The following TRIP12 variants were observed in gnomAD, a reference collection of about 807,000 sequenced individuals.
The protein encoded by TRIP12 is E3 ubiquitin-protein ligase TRIP12.
Under a neutral mutation model 244.2 loss-of-function variants are expected in TRIP12, and 25 were observed. The ratio of observed to expected loss-of-function variants is 0.10; its 90% CI spans 0.07 to 0.14. The LOEUF is 0.14. TRIP12 is among the 10% of genes least tolerant of loss of function. The probability of loss-of-function intolerance (pLI) is 1.00; values close to 1 mark genes in which losing one functional copy is unlikely to be tolerated. For synonymous variants in TRIP12, 905 were observed against 873.1 expected (o/e 1.04, Z -0.64); for missense variants, 1,677 against 2,486.4 (o/e 0.67, Z 6.92).
At position 229,789,596 on chromosome 2, in the gene TRIP12, G is replaced by A. The variant is rs1205352860; in HGVS notation, c.4695+15C>T. 6.2e-7 allele frequency: 1 copy of A among 1,605,620 alleles called. No homozygotes were observed. The highest frequency in any genetic ancestry group is 1.7e-5 in the Admixed American group (1 of 59,156). On this transcript the variant is annotated intron_variant, in intron 31 of 41. Transcript: ENST00000675903. ...ACAGACCATGAAAACTTCATAAATA[G>A]GCAACATTACTCACATCATACAAGT...
chr2:229,906,177 C>G (rs985715970), intron 1 of TRIP12, among the ~76,000 whole-genome samples: 1 of 151,516 alleles, frequency 6.6e-6, no homozygotes, highest in Admixed American at 6.6e-5. Context: ...TAGTGGCACA[C>G]GCCTGTGATC....
chr2:229,849,312 A>G (rs1214273604), intron 4 of TRIP12, among the ~76,000 whole-genome samples: 4 of 152,232 alleles, frequency 2.6e-5, no homozygotes, highest in Non-Finnish European at 5.9e-5. Context: ...ACGATACAAT[A>G]AACCCTGCGT....
At chr2:229,772,483 A>G (rs527768347) in intron 38 of TRIP12, among the ~76,000 whole-genome samples, 2 of 152,276 alleles carry the variant, frequency 1.3e-5, no homozygotes, top group African/African-American at 4.8e-5. Context: ...ATTATTTTTG[A>G]GACAGAGTCT....
intron 34 of TRIP12, among the ~76,000 whole-genome samples, chr2:229,780,533 G>A (rs187840105): frequency 7.3e-4 from 111 of 152,124 alleles, no homozygotes; most frequent in Admixed American, 9.2e-4. Context: ...TTCTTACCAC[G>A]GCCTACATGA....
In TRIP12 at chr2:229,780,435, G is replaced by A. The variant is rs144537948; in HGVS notation, c.5095-1445C>T. On this transcript the variant is annotated intron_variant, in intron 34 of 41. Coordinates refer to ENST00000675903, the MANE Select transcript of TRIP12 (RefSeq NM_001348323.3). ...CATCTTGTATCCCATTCTCACAGGAGCAAGCGTAATCCTTACAAAACACAA... is the reference window on the plus strand; with the variant it reads ...CATCTTGTATCCCATTCTCACAGGAACAAGCGTAATCCTTACAAAACACAA... 8.5e-3 allele frequency among the ~76,000 whole-genome samples: 1,289 copies of A among 152,292 alleles called. 26 individuals are homozygous for A. The highest frequency in any genetic ancestry group is 0.03 in the African/African-American group (1,254 of 41,554).
intron 26 of TRIP12, among the ~76,000 whole-genome samples, chr2:229,794,078 G>A (rs761617531): frequency 2.0e-5 from 3 of 151,976 alleles, no homozygotes; most frequent in African/African-American, 2.4e-5. Context: ...CTCAAGCACA[G>A]GTCAAAATGC....
upstream of TRIP12, chr2:229,922,509 C>T (rs753365906): frequency 3.1e-6 from 5 of 1,613,968 alleles, no homozygotes; most frequent in Non-Finnish European, 4.2e-6. Flanking sequence ...CGGTGGCGTC[C>T]CAAGATGGCG....
chr2:229,780,855 G>A (rs2037914888), intron 34 of TRIP12, among the ~76,000 whole-genome samples: 1 of 152,156 alleles, frequency 6.6e-6, no homozygotes, highest in African/African-American at 2.4e-5. Flanking sequence ...GGGGGTGGGA[G>A]TACTTTGTAT....
intron 15 of TRIP12, 75 bp downstream of exon 15, chr2:229,810,805 G>C (rs2047081612): frequency 6.9e-7 from 1 of 1,442,238 alleles, no homozygotes; most frequent in African/African-American, 1.4e-5. Flanking sequence ...CCATTTGCTC[G>C]GCTTATGTTG....
At chr2:229,790,978 A>C (rs2041381425) in intron 30 of TRIP12, 146 bp downstream of exon 30, 1 of 1,028,364 alleles carries the variant, frequency 9.7e-7, no homozygotes, top group Non-Finnish European at 1.4e-6. Context: ...TTGAGGATTA[A>C]ATGTGATCAA....
chr2:229,860,484 C>G lies in TRIP12; in HGVS notation c.146G>C (p.Ser49Thr). The G allele has an allele frequency of 6.2e-7, 1 of 1,612,060 alleles. No individual in the cohort carries two copies. The highest frequency in any genetic ancestry group is 1.1e-5 in the South Asian group (1 of 91,008). Residue 49 changes from serine (S) to threonine (T), a missense_variant, in exon 3 of 42, where the codon AGT becomes ACT. By Grantham distance (58) the Ser-to-Thr change is moderately conservative. This residue lies in a region of TRIP12 where 387 missense variants were observed against 392.6 expected (regional missense o/e 0.99). Coordinates refer to ENST00000675903, the MANE Select transcript of TRIP12 (RefSeq NM_001348323.3). Reference protein sequence around the residue: ...AKHKGYSPPESRKSNSKAPKV... With the variant: ...AKHKGYSPPETRKSNSKAPKV... Reference sequence around the variant, plus strand: ...GGGTGCCTTAGAATTAGATTTTCTACTCTCAGGAGGGCTATATCCCTTATG... The same window carrying G: ...GGGTGCCTTAGAATTAGATTTTCTAGTCTCAGGAGGGCTATATCCCTTATG...
intron 1 of TRIP12, among the ~76,000 whole-genome samples, chr2:229,913,464 A>G (rs1443413199): frequency 3.9e-5 from 6 of 152,246 alleles, no homozygotes; most frequent in Non-Finnish European, 8.8e-5. Context: ...CACTTGATAA[A>G]TATGTATTGA....
intron 37 of TRIP12, among the ~76,000 whole-genome samples, chr2:229,775,746 C>A (rs952600558): frequency 7.3e-5 from 11 of 151,252 alleles, no homozygotes; most frequent in Non-Finnish European, 1.0e-4. Context: ...TTTAAGCTAC[C>A]CAGTAGAATC....
chr2:229,913,574 A>G (rs2154379212), intron 1 of TRIP12, among the ~76,000 whole-genome samples: 1 of 152,366 alleles, frequency 6.6e-6, no homozygotes, highest in African/African-American at 2.4e-5. Flanking sequence ...TTCCTTAAGT[A>G]GCTGATTTTA....
Position 229,778,840 on chromosome 2 carries a change from G to A in TRIP12, c.5209+36C>T, listed in dbSNP as rs185562958. The A allele has an allele frequency of 6.3e-7, 1 of 1,580,074 alleles. No individual in the cohort carries two copies. Among genetic ancestry groups the A allele is most frequent in the East Asian group, 2.2e-5 (1 of 44,706 alleles). The stretch of plus-strand genomic sequence containing the variant: ...TGTCAGAGTCCATTACCTGATCTGA[G>A]TAACACAAACCAACTAACTTACAGA... On this transcript the variant is annotated intron_variant, in intron 35 of 41. Transcript: ENST00000675903. This position sits in a 1 kb window ranked among gnomAD's most constrained non-coding sequence, Gnocchi z 4.1.
chr2:229,809,713 A>C (rs889553123), intron 15 of TRIP12, among the ~76,000 whole-genome samples: 4 of 151,806 alleles, frequency 2.6e-5, no homozygotes, highest in Non-Finnish European at 5.9e-5. Context: ...AGGACCACTC[A>C]AAATAGGGTT....
intron 1 of TRIP12, among the ~76,000 whole-genome samples, chr2:229,891,933 G>A (rs1235680576): frequency 6.6e-6 from 1 of 152,210 alleles, no homozygotes; most frequent in African/African-American, 2.4e-5. Context: ...CAAAGGAACA[G>A]TTAATAAGTA....
chr2:229,857,020 A>G (rs561178735), intron 4 of TRIP12, among the ~76,000 whole-genome samples: 8 of 152,324 alleles, frequency 5.3e-5, no homozygotes, highest in African/African-American at 1.9e-4. Context: ...ATTTCAGGTA[A>G]TATGTGAATC....
chr2:229,912,678 G>T (rs146465706), intron 1 of TRIP12, among the ~76,000 whole-genome samples: 1 of 152,104 alleles, frequency 6.6e-6, no homozygotes, highest in South Asian at 2.1e-4. Context: ...TATAAAACTC[G>T]ATCTTGTACT....
Sources: gnomAD v4.1 joint callset for allele counts (sites outside exome capture counted in the v4.1 genomes callset) on GRCh38, gnomAD v4.1.1 for gene constraint, gnomAD v4.1.1 regional missense constraint, Gnocchi (gnomAD v3.1) non-coding constraint, MANE v1.5 for transcripts, NCBI Gene and HGNC (gene_info 2026-07-23, HGNC 2026-07-21) for gene names.